The following NCALD variants were observed in gnomAD, a reference collection of about 807,000 sequenced individuals.
NCALD encodes neurocalcin-delta.
NCALD carries 10 observed loss-of-function variants against 18.6 expected under a neutral mutation model. That is an observed-to-expected ratio of 0.54 (90% CI 0.33 to 0.91). The LOEUF (loss-of-function observed/expected upper bound fraction) is 0.91, where lower values mean the gene tolerates loss of function less well. NCALD is among the 40% of genes least tolerant of loss of function. The pLI is 0.03. For missense variants in NCALD, 184 were observed against 247.6 expected (o/e 0.74, Z 1.72); for synonymous variants, 88 against 87.4 (o/e 1.01, Z -0.04).
At chr8:101,692,335 C>T (rs1814767338) in intron 3 of NCALD, 10 of 985,418 alleles carry the variant, frequency 1.0e-5, no homozygotes, top group Non-Finnish European at 1.2e-5. Context: ...CATCTCAGTG[C>T]ATGCACAGGA....
rs140805561 is a variant in NCALD, at chr8:101,832,023, T to C, written c.-20+55118A>G. On this transcript the variant is annotated intron_variant, in intron 4 of 6. Coordinates refer to the NCALD transcript ENST00000311028. ...GCCTCTTAAGCAAACCAAACCTGCCTCTGGGTTTTGCCTGGACTGTGCCAT... is the reference window on the plus strand; with the variant it reads ...GCCTCTTAAGCAAACCAAACCTGCCCCTGGGTTTTGCCTGGACTGTGCCAT... Among the ~76,000 whole-genome samples the C allele has an allele frequency of 7.8e-4, 119 of 152,288 alleles. No individual in the cohort carries two copies. The East Asian group carries it at 0.02, about 26-fold the overall frequency.
At chr8:101,936,152 G>A (rs1185638412) in intron 2 of NCALD, among the ~76,000 whole-genome samples, 2 of 152,126 alleles carry the variant, frequency 1.3e-5, no homozygotes, top group East Asian at 1.9e-4. Flanking sequence ...GAAGAAGGGT[G>A]CAACAATTAT....
Position 101,955,166 on chromosome 8 carries a change from C to T in NCALD, c.-156-39308G>A, listed in dbSNP as rs377711649. 1.6e-4 allele frequency among the ~76,000 whole-genome samples: 24 copies of T among 152,254 alleles called. No individual in the cohort carries two copies. In the East Asian group the frequency reaches 3.5e-3, roughly 22 times the overall value. On this transcript the variant is annotated intron_variant, in intron 2 of 6. Transcript: ENST00000311028. ...AAGAAGAAGCTTAAAGAGAAAGTAT[C>T]GCCAAATGCCTCACAGTCTTAATTA...
chr8:101,772,296 T>C (rs192489707), intron 1 of NCALD, among the ~76,000 whole-genome samples: 1 of 152,326 alleles, frequency 6.6e-6, no homozygotes, highest in Non-Finnish European at 1.5e-5. Flanking sequence ...AATATGTTTA[T>C]CCTGGAACAA....
intron 1 of NCALD, among the ~76,000 whole-genome samples, chr8:102,060,719 G>A (rs17414892): frequency 0.059 from 9,041 of 152,038 alleles, 394 homozygotes; most frequent in Non-Finnish European, 0.091. Flanking sequence ...TGACAAGATC[G>A]CATTACAATC....
At chr8:101,755,058 C>T (rs758965507) in intron 1 of NCALD, among the ~76,000 whole-genome samples, 8 of 152,198 alleles carry the variant, frequency 5.3e-5, no homozygotes, top group Non-Finnish European at 1.2e-4. Flanking sequence ...TTAGACACCA[C>T]CTTGGATGGT....
chr8:102,057,546 G>T (rs1110080), intron 1 of NCALD, among the ~76,000 whole-genome samples: 4 of 151,980 alleles, frequency 2.6e-5, no homozygotes, highest in African/African-American at 4.8e-5. Flanking sequence ...ATGCTCCAGT[G>T]TCTACTGAAA....
At chr8:101,742,043 G>T (rs892279269) in intron 1 of NCALD, among the ~76,000 whole-genome samples, 2 of 151,026 alleles carry the variant, frequency 1.3e-5, no homozygotes, top group African/African-American at 4.9e-5. Context: ...CACGAGGTCA[G>T]GAGTTTGAGG....
chr8:101,987,894 C>T (rs1447418400), intron 2 of NCALD, among the ~76,000 whole-genome samples: 1 of 152,142 alleles, frequency 6.6e-6, no homozygotes, highest in African/African-American at 2.4e-5. Context: ...GTGGCTCATG[C>T]CTGTAATCCC....
intron 1 of NCALD, among the ~76,000 whole-genome samples, chr8:102,096,132 T>TA (rs1469581481): frequency 6.6e-6 from 1 of 152,160 alleles, no homozygotes; most frequent in African/African-American, 2.4e-5. Flanking sequence ...AGAAGAATCT[T>TA]ATAGGGTAAA....
intron 2 of NCALD, among the ~76,000 whole-genome samples, chr8:101,958,020 C>G (rs995742613): frequency 5.3e-5 from 8 of 152,162 alleles, no homozygotes; most frequent in Admixed American, 1.3e-4. Flanking sequence ...ACTTCTGTGT[C>G]AGCGTAGCTC....
At chr8:101,746,562 G>T (rs1810433316) in intron 1 of NCALD, among the ~76,000 whole-genome samples, 1 of 152,112 alleles carries the variant, frequency 6.6e-6, no homozygotes, top group Admixed American at 6.6e-5. Context: ...TATTGATTCA[G>T]ATTCCTGTGT....
chr8:101,931,281 C>A (rs532321276), intron 2 of NCALD, among the ~76,000 whole-genome samples: 1 of 152,230 alleles, frequency 6.6e-6, no homozygotes. Context: ...AGGCAGTTCA[C>A]TTATCATTCA....
chr8:101,778,992 T>A (rs954512044), intron 1 of NCALD, among the ~76,000 whole-genome samples: 1 of 152,034 alleles, frequency 6.6e-6, no homozygotes, highest in Admixed American at 6.6e-5. Context: ...GAGCTACCTA[T>A]AAAGGAATCA....
intron 4 of NCALD, among the ~76,000 whole-genome samples, chr8:101,799,597 T>C (rs1812763897): frequency 6.6e-6 from 1 of 152,094 alleles, no homozygotes; most frequent in African/African-American, 2.4e-5. Context: ...GTACTAAAAT[T>C]GAATGAACGA....
chr8:101,736,970 C>T (rs886369954), intron 1 of NCALD, among the ~76,000 whole-genome samples: 7 of 152,122 alleles, frequency 4.6e-5, no homozygotes, highest in African/African-American at 1.7e-4. Context: ...AAATGATTCT[C>T]AGTTGTTTTA....
At chr8:101,895,107 A>G (rs1053162378) in intron 3 of NCALD, among the ~76,000 whole-genome samples, 1 of 150,870 alleles carries the variant, frequency 6.6e-6, no homozygotes, top group African/African-American at 2.5e-5. Flanking sequence ...TGATGCAAAA[A>G]TCCTCAATAA....
chr8:102,061,327 T>C (rs1328129165), intron 1 of NCALD, among the ~76,000 whole-genome samples: 2 of 152,230 alleles, frequency 1.3e-5, no homozygotes, highest in Non-Finnish European at 2.9e-5. Flanking sequence ...ACTGTGTCCA[T>C]AGGGTTACCC....
At chr8:102,033,408 T>C (rs1285208582) in intron 1 of NCALD, among the ~76,000 whole-genome samples, 1 of 152,166 alleles carries the variant, frequency 6.6e-6, no homozygotes, top group Admixed American at 6.5e-5. Context: ...CTATAATACA[T>C]GGGTCAGAGA....
Sources: gnomAD v4.1 joint callset for allele counts (sites outside exome capture counted in the v4.1 genomes callset) on GRCh38, gnomAD v4.1.1 for gene constraint, MANE v1.5 for transcripts, NCBI Gene and HGNC (gene_info 2026-07-23, HGNC 2026-07-21) for gene names.